Variants in MYLK observed in about 807,000 individuals in gnomAD.
MYLK encodes myosin light chain kinase.
MYLK carries 106 observed loss-of-function variants against 203.4 expected under a neutral mutation model. That is an observed-to-expected ratio of 0.52 (90% confidence interval 0.45 to 0.61). The LOEUF (loss-of-function observed/expected upper bound fraction) is 0.61, where lower values mean the gene tolerates loss of function less well. Among genes scored for constraint, MYLK ranks in the 20% least tolerant of loss-of-function variants. The pLI is 0.00. For missense variants in MYLK, 2,072 were observed against 2,442.3 expected (o/e 0.85, Z 3.20); for synonymous variants, 867 against 959.5 (o/e 0.90, Z 1.78).
chr3:123,618,163 G>A (rs1422648234), intron 33 of MYLK: 1 of 202,564 alleles, frequency 4.9e-6, no homozygotes, highest in Non-Finnish European at 1.0e-5. Context: ...TACAGCAGAG[G>A]GACCGTAACT....
intron 4 of MYLK, among the ~76,000 whole-genome samples, chr3:123,785,995 A>G (rs2109058073): frequency 6.6e-6 from 1 of 152,318 alleles, no homozygotes; most frequent in African/African-American, 2.4e-5. Context: ...CAAATTATAA[A>G]TTGATTAAAA....
At chr3:123,703,550 T>C (rs2061332715) in intron 16 of MYLK, among the ~76,000 whole-genome samples, 1 of 152,218 alleles carries the variant, frequency 6.6e-6, no homozygotes, top group Non-Finnish European at 1.5e-5. Context: ...GTTCAGGTTG[T>C]TCCTTTGCTC....
chr3:123,754,677 G>GGA (rs1448671094), intron 4 of MYLK, among the ~76,000 whole-genome samples: 23 of 152,204 alleles, frequency 1.5e-4, no homozygotes, highest in Non-Finnish European at 1.3e-4. Flanking sequence ...TGGGTGGTTA[G>GGA]GATTGTGAGT....
At chr3:123,733,346 C>T (rs962563127) in intron 10 of MYLK, among the ~76,000 whole-genome samples, 1 of 152,062 alleles carries the variant, frequency 6.6e-6, no homozygotes, top group Non-Finnish European at 1.5e-5. Flanking sequence ...TTGGCCAAAG[C>T]CAGGCAAGGG....
rs532512741 is a variant in MYLK at position 123,824,321 on chromosome 3, C to T, written c.-4+7227G>A. Among the ~76,000 whole-genome samples, 218 of 152,286 alleles carry T rather than the reference C, an allele frequency of 1.4e-3. 1 individual carries two copies. Among genetic ancestry groups the T allele is most frequent in the African/African-American group, 5.1e-3 (212 of 41,548 alleles). ...GCCAGGCTGGTCTCGAACTCCTGAC[C>T]TCAGGTGATCCATCCGCCTTGGTCT... On this transcript the variant is annotated intron_variant, in intron 3 of 33. Transcript: ENST00000360304.
chr3:123,666,863 C>A, intron 21 of MYLK: 1 of 594,064 alleles, frequency 1.7e-6, no homozygotes, highest in Non-Finnish European at 3.0e-6. Flanking sequence ...GTAGAAGGGG[C>A]AGGCAGGAGA....
At chr3:123,679,527 G>A (rs753711923) in intron 20 of MYLK, among the ~76,000 whole-genome samples, 2 of 151,974 alleles carry the variant, frequency 1.3e-5, no homozygotes, top group Non-Finnish European at 2.9e-5. Context: ...AGCAGGTTTG[G>A]AGTAACAGAG....
chr3:123,790,485 T>G (rs1251643769), intron 4 of MYLK, among the ~76,000 whole-genome samples: 2 of 152,164 alleles, frequency 1.3e-5, no homozygotes, highest in African/African-American at 4.8e-5. Context: ...GAGATGAGCA[T>G]CTCGTCGTTT....
intron 2 of MYLK, among the ~76,000 whole-genome samples, chr3:123,876,104 C>A (rs11928441): frequency 0.1 from 15,291 of 151,822 alleles, 1,206 homozygotes; most frequent in East Asian, 0.36. Context: ...GAAGCAAAGA[C>A]AATTAATAGT....
chr3:123,846,391 T>C (rs1413416071), intron 2 of MYLK, among the ~76,000 whole-genome samples: 1 of 152,230 alleles, frequency 6.6e-6, no homozygotes, highest in African/African-American at 2.4e-5. Flanking sequence ...TCATTCAATG[T>C]TGTTTTTGAG....
chr3:123,637,871 A>G (rs1180749995), intron 29 of MYLK, among the ~76,000 whole-genome samples, 200 bp downstream of exon 29: 1 of 152,188 alleles, frequency 6.6e-6, no homozygotes. Context: ...TAGAATATGC[A>G]TGCTACTGAC....
In MYLK at chr3:123,700,528, A is replaced by C. The variant is rs879643674; in HGVS notation, c.2940T>G (p.Asp980Glu). ...TCTTGCCACCCAGCACTGAGCGAAA[A>C]TCCGGGGTGGCAGGTTTTGGCGGTG... ...KVPPPKPATP[D>E]FRSVLGGKKK... is the part of the protein sequence containing the mutation. The change falls in exon 18 of 34, where the codon GAT (aspartate) becomes GAG (glutamate). Residue 980 changes from aspartate (D) to glutamate (E), a missense_variant. Asp to Glu is a conservative substitution (Grantham distance 45). This residue lies in a region of MYLK where 865 missense variants were observed against 1,016.0 expected (regional missense o/e 0.85). Coordinates refer to ENST00000360304, the MANE Select transcript of MYLK (RefSeq NM_053025.4). 3.1e-6 allele frequency: 5 copies of C among 1,613,372 alleles called. No homozygotes were observed. The highest frequency in any genetic ancestry group is 2.7e-5 in the African/African-American group (2 of 74,864).
rs1171312689 is a variant in MYLK at position 123,752,323 on chromosome 3, G to A, written c.373+8C>T. On this transcript the variant is annotated splice_region_variant and intron_variant, in intron 5 of 33. Transcript: ENST00000360304. Reference sequence around the variant, plus strand: ...CTCCCTCCTGGACTCGGGCCTCCTGGGACTCACCTTCTACTGTCAACTCCA... The same window carrying A: ...CTCCCTCCTGGACTCGGGCCTCCTGAGACTCACCTTCTACTGTCAACTCCA... 6.2e-7 allele frequency: 1 copy of A among 1,613,602 alleles called. No homozygotes were observed. The highest frequency in any genetic ancestry group is 1.3e-5 in the African/African-American group (1 of 74,890).
chr3:123,873,136 T>A (rs182650641), intron 2 of MYLK, among the ~76,000 whole-genome samples: 99 of 152,354 alleles, frequency 6.5e-4, no homozygotes, highest in African/African-American at 2.4e-3. Context: ...ATATATTTAT[T>A]ATTTTTCTCA....
At chr3:123,774,743 C>T (rs2064006042) in intron 4 of MYLK, among the ~76,000 whole-genome samples, 1 of 152,172 alleles carries the variant, frequency 6.6e-6, no homozygotes, top group Non-Finnish European at 1.5e-5. Flanking sequence ...ATTAATGACT[C>T]CTAGAAAGGC....
Position 123,632,293 on chromosome 3 carries a change from C to T in MYLK, c.4962-2667G>A, listed in dbSNP as rs568577259. Reference sequence around the variant, plus strand: ...CATGCAAGCCCCATCAGGAAGCAGCCTGTCTCTTGCCTGTCAGCCACCTGC... The same window carrying T: ...CATGCAAGCCCCATCAGGAAGCAGCTTGTCTCTTGCCTGTCAGCCACCTGC... On this transcript the variant is annotated intron_variant, in intron 29 of 33. Coordinates refer to ENST00000360304, the MANE Select transcript of MYLK (RefSeq NM_053025.4). Among the ~76,000 whole-genome samples, 294 of 152,290 alleles carry T rather than the reference C, an allele frequency of 1.9e-3. No individual in the cohort carries two copies. The Middle Eastern group carries it at 0.02, about 11-fold the overall frequency.
chr3:123,643,283 C>T (rs1560006699), intron 27 of MYLK, among the ~76,000 whole-genome samples: 1 of 152,160 alleles, frequency 6.6e-6, no homozygotes, highest in Non-Finnish European at 1.5e-5. Flanking sequence ...CTATATTTGG[C>T]ACAGACAAGG....
chr3:123,869,373 T>G (rs2032576582), intron 2 of MYLK, among the ~76,000 whole-genome samples: 1 of 152,108 alleles, frequency 6.6e-6, no homozygotes, highest in Non-Finnish European at 1.5e-5. Flanking sequence ...ATTATGCAAC[T>G]AATTCCTCTA....
intron 18 of MYLK, among the ~76,000 whole-genome samples, chr3:123,699,336 T>C (rs966377620): frequency 6.6e-6 from 1 of 151,928 alleles, no homozygotes; most frequent in African/African-American, 2.4e-5. Flanking sequence ...GGGGCCCCCC[T>C]CCTCTCCCCA....
Sources: allele counts gnomAD v4.1 joint callset (sites outside exome capture counted in the v4.1 genomes callset), GRCh38; gene constraint gnomAD v4.1.1; regional missense constraint gnomAD v4.1.1; transcripts MANE v1.5; gene names NCBI Gene and HGNC (gene_info 2026-07-23, HGNC 2026-07-21).